Variants in DOCK1 observed in about 807,000 individuals in gnomAD.
DOCK1 encodes dedicator of cytokinesis protein 1.
Under a neutral mutation model 262.7 loss-of-function variants are expected in DOCK1, and 138 were observed. The observed-to-expected ratio is 0.53, with a 90% CI of 0.46 to 0.61. The LOEUF (loss-of-function observed/expected upper bound fraction) is 0.61. Ranked by LOEUF, DOCK1 falls within the 20% of genes least tolerant of loss-of-function variation. The pLI, the probability that DOCK1 is intolerant of heterozygous loss-of-function variation, is 0.00. For missense variants in DOCK1, 1,908 were observed against 2,370.7 expected, an observed-to-expected ratio of 0.80 and a Z score of 4.05; for synonymous variants, 866 against 867.4, an observed-to-expected ratio of 1.00 and a Z score of 0.03.
chr10:127,285,308 C>G (rs1472803863), intron 29 of DOCK1, among the ~76,000 whole-genome samples: 1 of 152,202 alleles, frequency 6.6e-6, no homozygotes, highest in Non-Finnish European at 1.5e-5. Context: ...CATTAGAGCT[C>G]AGTATTAAAA....
At chr10:127,200,544 G>C (rs947890253) in intron 27 of DOCK1, among the ~76,000 whole-genome samples, 2 of 152,148 alleles carry the variant, frequency 1.3e-5, no homozygotes, top group Non-Finnish European at 2.9e-5. Context: ...TCAGCCTCCT[G>C]AGTAACCTGT....
At chr10:127,028,848 C>T (rs2043052190) in intron 16 of DOCK1, among the ~76,000 whole-genome samples, 5 of 152,128 alleles carry the variant, frequency 3.3e-5, no homozygotes, top group Admixed American at 3.3e-4. Flanking sequence ...GCATGGAGGG[C>T]ATGGTGGGGG....
At chr10:126,936,777 A>C (rs2134218083) in intron 1 of DOCK1, among the ~76,000 whole-genome samples, 1 of 152,284 alleles carries the variant, frequency 6.6e-6, no homozygotes, top group Admixed American at 6.5e-5. Context: ...TTATTTTATA[A>C]AATTGTGGCA....
chr10:127,422,059 A>G (rs1158964282), intron 46 of DOCK1, among the ~76,000 whole-genome samples: 4 of 151,426 alleles, frequency 2.6e-5, no homozygotes, highest in Non-Finnish European at 5.9e-5. Flanking sequence ...GAAACTGCCA[A>G]ACTCTTCTAC....
chr10:126,955,367 C>T (rs2036646452), intron 1 of DOCK1, among the ~76,000 whole-genome samples: 1 of 152,236 alleles, frequency 6.6e-6, no homozygotes, highest in African/African-American at 2.4e-5. Context: ...CTCCAATGAT[C>T]CGCTCACCTT....
chr10:127,339,180 C>A (rs918478648), intron 30 of DOCK1, 96 bp downstream of exon 30: 2 of 1,081,966 alleles, frequency 1.8e-6, no homozygotes, highest in African/African-American at 1.6e-5. Flanking sequence ...AATCCTTGAA[C>A]TTAATTGGTC....
chr10:127,362,315 C>T (rs1159290963), intron 33 of DOCK1, 103 bp downstream of exon 33: 20 of 1,281,274 alleles, frequency 1.6e-5, no homozygotes, highest in Admixed American at 3.1e-5. Flanking sequence ...AAGGTGCCAA[C>T]GTGGAAAACA....
chr10:126,947,544 GTGA>G (rs1318804043), intron 1 of DOCK1, among the ~76,000 whole-genome samples: 39 of 120,448 alleles, frequency 3.2e-4, no homozygotes, highest in South Asian at 8.2e-4. Flanking sequence ...ACTGTTGGTG[GTGA>G]TGGTGGTGGT....
At chr10:127,220,888 C>T (rs1008882353) in intron 27 of DOCK1, among the ~76,000 whole-genome samples, 2 of 152,124 alleles carry the variant, frequency 1.3e-5, no homozygotes, top group Non-Finnish European at 1.5e-5. Flanking sequence ...TTCACAGGCT[C>T]CATGGAGGAG....
chr10:127,133,494 CGT>C (rs545303921), intron 27 of DOCK1, among the ~76,000 whole-genome samples: 7 of 152,072 alleles, frequency 4.6e-5, no homozygotes, highest in Non-Finnish European at 1.0e-4. Context: ...ATCATCCTAA[CGT>C]GTGTGTGTGC....
At chr10:127,275,368 C>T (rs1312501570) in intron 29 of DOCK1, among the ~76,000 whole-genome samples, 1 of 152,088 alleles carries the variant, frequency 6.6e-6, no homozygotes, top group Admixed American at 6.5e-5. Context: ...CTCCCATGGA[C>T]CAGAGCTGCC....
chr10:126,948,947 C>T (rs2035902942), intron 1 of DOCK1, among the ~76,000 whole-genome samples: 2 of 152,130 alleles, frequency 1.3e-5, no homozygotes, highest in South Asian at 4.2e-4. Context: ...GCCCCGCAAG[C>T]TGGGCTTTCA....
chr10:127,000,129 A>G, intron 9 of DOCK1, 43 bp from the exon 10 acceptor site: 2 of 1,609,608 alleles, frequency 1.2e-6, no homozygotes, highest in Admixed American at 1.7e-5. Context: ...CTTGCATTGA[A>G]TAATGGGTCT....
intron 49 of DOCK1, among the ~76,000 whole-genome samples, chr10:127,442,741 A>ATT (rs2134766392): frequency 6.6e-6 from 1 of 152,236 alleles, no homozygotes; most frequent in Non-Finnish European, 1.5e-5. Context: ...CGCCAAGGAG[A>ATT]CCAAAGCATG....
At chr10:127,028,098 G>A (rs969525195) in intron 16 of DOCK1, among the ~76,000 whole-genome samples, 4 of 152,072 alleles carry the variant, frequency 2.6e-5, no homozygotes, top group African/African-American at 9.7e-5. Context: ...GGCAGCTGCC[G>A]AAAGCATCAT....
chr10:127,281,467 A>G (rs1227245535), intron 29 of DOCK1, among the ~76,000 whole-genome samples: 1 of 152,196 alleles, frequency 6.6e-6, no homozygotes. Context: ...AAGAACTCAG[A>G]AGGACGTTTC....
intron 29 of DOCK1, among the ~76,000 whole-genome samples, chr10:127,309,580 A>G (rs1263974664): frequency 1.3e-5 from 2 of 152,166 alleles, no homozygotes; most frequent in Admixed American, 6.5e-5. Flanking sequence ...TGGGTTTTAC[A>G]TGTAAGTCTT....
chr10:127,034,465 A>C (rs2043453924), intron 18 of DOCK1, among the ~76,000 whole-genome samples: 1 of 152,132 alleles, frequency 6.6e-6, no homozygotes, highest in Non-Finnish European at 1.5e-5. Flanking sequence ...ATTCAAGATA[A>C]GATCTGGGTG....
At chr10:127,153,965 G>C in intron 27 of DOCK1, 1 of 1,472,568 alleles carries the variant, frequency 6.8e-7, no homozygotes. Flanking sequence ...CGGTGGCTGG[G>C]GGTCACTGGC....
Sources: allele counts gnomAD v4.1 joint callset (sites outside exome capture counted in the v4.1 genomes callset), GRCh38; gene constraint gnomAD v4.1.1; transcripts MANE v1.5; gene names NCBI Gene and HGNC (gene_info 2026-07-23, HGNC 2026-07-21).